Variants in SNX16 observed in about 807,000 individuals in gnomAD.
The protein encoded by SNX16 is sorting nexin 16.
Under a neutral mutation model 36.7 loss-of-function variants are expected in SNX16, and 35 were observed. The observed-to-expected ratio is 0.95, with a 90% confidence interval of 0.73 to 1.27. The LOEUF is 1.27. SNX16 is among the 50% of genes most tolerant of loss of function. The pLI, the probability that SNX16 is intolerant of heterozygous loss-of-function variation, is 0.00. For synonymous variants in SNX16, 134 were observed against 132.0 expected, an observed-to-expected ratio of 1.02 and a Z score of -0.10; for missense variants, 367 against 393.6, an observed-to-expected ratio of 0.93 and a Z score of 0.57.
At chr8:81,819,494 C>A (rs1447417002) in intron 4 of SNX16, among the ~76,000 whole-genome samples, 1 of 152,012 alleles carries the variant, frequency 6.6e-6, no homozygotes, top group African/African-American at 2.4e-5. Flanking sequence ...CTTTAAAGTG[C>A]AGTTCAACTA....
At chr8:81,819,516 G>A (rs1281142853) in intron 4 of SNX16, among the ~76,000 whole-genome samples, 1 of 151,968 alleles carries the variant, frequency 6.6e-6, no homozygotes, top group African/African-American at 2.4e-5. Context: ...CACCCTCTGC[G>A]AAACCTTTTC....
chr8:81,834,916 AG>A (rs1357382878), intron 2 of SNX16, among the ~76,000 whole-genome samples: 1 of 152,156 alleles, frequency 6.6e-6, no homozygotes, highest in Non-Finnish European at 1.5e-5. Flanking sequence ...CAGCTCCACT[AG>A]ACAGTGCCCC....
chr8:81,820,270 A>G (rs890495083), intron 4 of SNX16, among the ~76,000 whole-genome samples: 3 of 151,956 alleles, frequency 2.0e-5, no homozygotes, highest in Non-Finnish European at 4.4e-5. Context: ...AAATGAGACA[A>G]TCTTCTTTCC....
chr8:81,831,693 CAAAAA>C (rs754113806), intron 2 of SNX16, among the ~76,000 whole-genome samples: 2 of 80,970 alleles, frequency 2.5e-5, no homozygotes, highest in Non-Finnish European at 2.5e-5. Flanking sequence ...GAGACTCCGT[CAAAAA>C]AAAAAAAAAA....
intron 2 of SNX16, among the ~76,000 whole-genome samples, chr8:81,835,147 A>T (rs1171518383): frequency 6.6e-6 from 1 of 152,162 alleles, no homozygotes; most frequent in African/African-American, 2.4e-5. Flanking sequence ...AGGCTTGGGG[A>T]TTACACCCTC....
Position 81,839,728 on chromosome 8 carries a change from A to G in SNX16, c.259T>C (p.Ser87Pro). The G allele has an allele frequency of 6.2e-7, 1 of 1,614,014 alleles. No individual in the cohort carries two copies. Among genetic ancestry groups the G allele is most frequent in the Non-Finnish European group, 8.5e-7 (1 of 1,179,928 alleles). ...FTGTASSIEY[S>P]TRPRDTEEQN... ...TCTTCAGTGTCTCTTGGTCTAGTAGAATACTCAATGGAAGAAGCTGTACCT... is the reference window on the plus strand; with the variant it reads ...TCTTCAGTGTCTCTTGGTCTAGTAGGATACTCAATGGAAGAAGCTGTACCT... Residue 87 changes from serine (S) to proline (P), a missense_variant, in exon 2 of 8, where the codon TCT becomes CCT. Coordinates refer to ENST00000345957, the MANE Select transcript of SNX16 (RefSeq NM_152836.3).
chr8:81,808,404 G>A, intron 5 of SNX16: 2 of 1,240,822 alleles, frequency 1.6e-6, no homozygotes, highest in Admixed American at 3.4e-5. Context: ...TGTTTTCGGT[G>A]GGAATGACAA....
chr8:81,799,584 T>A lies in SNX16; in HGVS notation c.*1913A>T, dbSNP rs1463467426. On this transcript the variant is annotated 3_prime_UTR_variant, in exon 8 of 8. Transcript: ENST00000345957. ...AACATATGAACAACACAGCTACTGTTGTAGTGAAAAAATAATTTATTAAAT... is the reference window on the plus strand; with the variant it reads ...AACATATGAACAACACAGCTACTGTAGTAGTGAAAAAATAATTTATTAAAT... 1 of 151,928 alleles carries A rather than the reference T, an allele frequency of 6.6e-6. No individual in the cohort carries two copies. Among genetic ancestry groups the A allele is most frequent in the Non-Finnish European group, 1.5e-5 (1 of 67,872 alleles). 9.4% of individuals were successfully genotyped at this position (151,928 alleles called of 1,614,324 possible).
In SNX16 at chr8:81,801,452, C is replaced by A; in HGVS notation, c.*45G>T. The A allele has an allele frequency of 8.5e-7, 1 of 1,178,036 alleles. No homozygotes were observed. The allele number at this position is 1,178,036 out of a possible 1,614,324, so 73.0% of individuals were successfully genotyped here. ...TTTTAAAATAGTATTTGCCACTCTT[C>A]TAAATTTTTGAATAGTCTAAATGGA... is the stretch of plus-strand genomic sequence containing the variant. On this transcript the variant is annotated 3_prime_UTR_variant, in exon 8 of 8. Transcript: ENST00000345957.
intron 5 of SNX16, among the ~76,000 whole-genome samples, chr8:81,809,591 C>T (rs1040222298): frequency 2.0e-5 from 3 of 152,130 alleles, no homozygotes; most frequent in Non-Finnish European, 2.9e-5. Context: ...AGATGCCAGA[C>T]CTGGCTGGTA....
intron 4 of SNX16, among the ~76,000 whole-genome samples, chr8:81,816,634 T>G (rs1437986712): frequency 1.3e-5 from 2 of 152,202 alleles, no homozygotes; most frequent in African/African-American, 4.8e-5. Flanking sequence ...TTACATATCT[T>G]ATTGTATTTA....
intron 6 of SNX16, 43 bp downstream of exon 6, chr8:81,803,049 G>C: frequency 6.5e-7 from 1 of 1,533,484 alleles, no homozygotes; most frequent in Non-Finnish European, 8.7e-7. Flanking sequence ...AGAGTATTAA[G>C]GGTTGAATTA....
intron 2 of SNX16, among the ~76,000 whole-genome samples, chr8:81,835,043 T>A (rs1438511556): frequency 6.6e-6 from 1 of 152,212 alleles, no homozygotes; most frequent in African/African-American, 2.4e-5. Context: ...ATCCAGGCAT[T>A]TCCATACATC....
chr8:81,839,855 T>C lies in SNX16; in HGVS notation c.132A>G (p.Leu44=), dbSNP rs1178045978. ...TAAAATTACCCATATTTGAGTCTTC[T>C]AACTGGCCCTTAGAAGAATTTGAGC... The part of the protein sequence containing the change: ...STSSNSSKGQ[L]EDSNMGNFKQ... Residue 44 remains leucine, a synonymous_variant, in exon 2 of 8, where the codon TTA becomes TTG. Transcript: ENST00000345957. 1 of 1,614,034 alleles carries C rather than the reference T, an allele frequency of 6.2e-7. No homozygotes were observed. Among genetic ancestry groups the C allele is most frequent in the Non-Finnish European group, 8.5e-7 (1 of 1,179,932 alleles).
chr8:81,815,155 G>A (rs1372750599), intron 5 of SNX16, 170 bp downstream of exon 5: 1 of 424,512 alleles, frequency 2.4e-6, no homozygotes, highest in Non-Finnish European at 4.2e-6. Flanking sequence ...CTAAGTCTAT[G>A]TATTTCACTG....
chr8:81,804,204 T>TA (rs1026526932), intron 5 of SNX16, among the ~76,000 whole-genome samples: 64 of 151,936 alleles, frequency 4.2e-4, no homozygotes, highest in African/African-American at 1.3e-3. Flanking sequence ...GAAACAAAAT[T>TA]AAAAGACATT....
intron 5 of SNX16, among the ~76,000 whole-genome samples, chr8:81,809,225 T>A (rs1469663303): frequency 2.0e-5 from 3 of 152,188 alleles, no homozygotes; most frequent in Non-Finnish European, 4.4e-5. Context: ...AACCTTGGTG[T>A]AGTTGAACTG....
rs547224585 is a variant in SNX16, at chr8:81,831,952, A to G, written c.376-2436T>C. On this transcript the variant is annotated intron_variant, in intron 2 of 7. Coordinates refer to ENST00000345957, the MANE Select transcript of SNX16 (RefSeq NM_152836.3). ...GTTATGGAGAAAAGAGAGCACTTAT[A>G]TATTGCTGGTAGAACTGTAACTTAA... Among the ~76,000 whole-genome samples the G allele has an allele frequency of 2.0e-4, 30 of 152,310 alleles. No homozygotes were observed. In the South Asian group the frequency reaches 3.9e-3, roughly 20 times the overall value.
intron 3 of SNX16, among the ~76,000 whole-genome samples, chr8:81,824,237 C>G (rs1387113064): frequency 6.6e-6 from 1 of 152,104 alleles, no homozygotes; most frequent in Non-Finnish European, 1.5e-5. Flanking sequence ...CATTTCTTTG[C>G]TGACAAATGA....
Sources: gnomAD v4.1 joint callset for allele counts (sites outside exome capture counted in the v4.1 genomes callset) on GRCh38, gnomAD v4.1.1 for gene constraint, MANE v1.5 for transcripts, NCBI Gene and HGNC (gene_info 2026-07-23, HGNC 2026-07-21) for gene names.